DCC: variants seen among roughly 807,000 people sequenced by gnomAD.
DCC encodes the protein DCC netrin 1 receptor, also known as netrin receptor DCC.
Under a neutral mutation model 172.5 loss-of-function variants are expected in DCC, and 58 were observed. The observed-to-expected ratio is 0.34, with a 90% CI of 0.27 to 0.42. The LOEUF (loss-of-function observed/expected upper bound fraction) is 0.42, where lower values mean the gene tolerates loss of function less well. Among genes scored for constraint, DCC ranks in the 10% least tolerant of loss-of-function variants. The pLI is 1.00. For synonymous variants in DCC, 709 were observed against 644.5 expected, an observed-to-expected ratio of 1.10 and a Z score of -1.52; for missense variants, 1,740 against 1,791.0, an observed-to-expected ratio of 0.97 and a Z score of 0.51.
chr18:52,823,097 C>T (rs575619639), intron 2 of DCC, among the ~76,000 whole-genome samples: 3 of 152,154 alleles, frequency 2.0e-5, no homozygotes, highest in Non-Finnish European at 4.4e-5. Flanking sequence ...TCAGGCTATT[C>T]CAACAGGCAA....
intron 5 of DCC, among the ~76,000 whole-genome samples, chr18:53,027,802 T>C (rs974113716): frequency 2.0e-5 from 3 of 152,130 alleles, no homozygotes; most frequent in Non-Finnish European, 4.4e-5. Flanking sequence ...TGCGTATAGT[T>C]TTGACGCACG....
chr18:53,127,305 C>T (rs2043576365), intron 7 of DCC, among the ~76,000 whole-genome samples: 1 of 151,870 alleles, frequency 6.6e-6, no homozygotes, highest in Non-Finnish European at 1.5e-5. Context: ...CTGTGCCCTG[C>T]TTAGGTTTTA....
At chr18:52,429,009 C>T (rs901877737) in intron 1 of DCC, among the ~76,000 whole-genome samples, 1 of 151,996 alleles carries the variant, frequency 6.6e-6, no homozygotes, top group Non-Finnish European at 1.5e-5. Flanking sequence ...TCCTGCCATC[C>T]CCAACTCCTA....
At position 53,069,496 on chromosome 18, in the gene DCC, G is replaced by T. The variant is rs866087312; in HGVS notation, c.1261+3330G>T. Among the ~76,000 whole-genome samples, 10 of 152,226 alleles carry T rather than the reference G, an allele frequency of 6.6e-5. No homozygotes were observed. The Middle Eastern group carries it at 0.01, about 155-fold the overall frequency. On this transcript the variant is annotated intron_variant, in intron 7 of 28. Coordinates refer to ENST00000442544, the MANE Select transcript of DCC (RefSeq NM_005215.4). The stretch of plus-strand genomic sequence containing the variant: ...ACACTAGAGTGATGGCGCCTGGATG[G>T]AGCTGAGCTAGGAGGGTGGCGCAGG...
chr18:53,314,506 A>G (rs1048957440), intron 13 of DCC, among the ~76,000 whole-genome samples: 21 of 152,218 alleles, frequency 1.4e-4, no homozygotes, highest in Non-Finnish European at 2.5e-4. Flanking sequence ...CTTGAAGGTG[A>G]GTTATCTCCG....
intron 5 of DCC, among the ~76,000 whole-genome samples, chr18:53,013,698 TAA>T (rs772056355): frequency 2.1e-4 from 28 of 135,870 alleles, no homozygotes; most frequent in Non-Finnish European, 1.6e-4. Context: ...TCCCAGAACT[TAA>T]AAAAAAAAAA....
At chr18:52,951,983 A>C (rs2040655487) in intron 5 of DCC, among the ~76,000 whole-genome samples, 1 of 152,202 alleles carries the variant, frequency 6.6e-6, no homozygotes, top group African/African-American at 2.4e-5. Context: ...GAAGATGTGC[A>C]CATTTGCTGG....
At chr18:52,987,277 G>A (rs1422455353) in intron 5 of DCC, among the ~76,000 whole-genome samples, 4 of 152,050 alleles carry the variant, frequency 2.6e-5, no homozygotes, top group Admixed American at 2.6e-4. Flanking sequence ...AACAGCCCAT[G>A]CACAATGGCT....
chr18:53,048,038 G>A (rs893317313), intron 5 of DCC, among the ~76,000 whole-genome samples: 1 of 151,716 alleles, frequency 6.6e-6, no homozygotes, highest in African/African-American at 2.4e-5. Flanking sequence ...CACTATTAAA[G>A]GCATATTTTT....
At chr18:53,111,464 C>T (rs2043331364) in intron 7 of DCC, among the ~76,000 whole-genome samples, 1 of 149,314 alleles carries the variant, frequency 6.7e-6, no homozygotes, top group South Asian at 2.1e-4. Flanking sequence ...AAAAGAGAGA[C>T]CACCAACTTT....
chr18:53,359,119 C>G lies in DCC; in HGVS notation c.2359+19212C>G, dbSNP rs149653000. ...AGAGGCTCAAGGTTCAGTGAACAAA[C>G]TAATTGAACCATGAATGCAAGTTCA... On this transcript the variant is annotated intron_variant, in intron 15 of 28. Transcript: ENST00000442544. Among the ~76,000 whole-genome samples, 266 of 152,192 alleles carry G rather than the reference C, an allele frequency of 1.7e-3. 1 individual carries two copies. Among genetic ancestry groups the G allele is most frequent in the African/African-American group, 6.3e-3 (261 of 41,524 alleles).
At chr18:52,537,276 TAA>T (rs746297381) in intron 1 of DCC, among the ~76,000 whole-genome samples, 4 of 152,212 alleles carry the variant, frequency 2.6e-5, no homozygotes, top group Non-Finnish European at 4.4e-5. Context: ...AAGTAATATT[TAA>T]AATCTCCTTT....
intron 7 of DCC, among the ~76,000 whole-genome samples, chr18:53,144,320 T>C (rs1245162290): frequency 5.9e-5 from 9 of 152,204 alleles, no homozygotes; most frequent in Non-Finnish European, 1.2e-4. Flanking sequence ...CAATGGTGTA[T>C]TAGTCTGTTC....
At position 52,759,655 on chromosome 18, in the gene DCC, C is replaced by T. The variant is rs551653521; in HGVS notation, c.412+7281C>T. ...AATTTTAGAAAACCTTTTTGGAATA[C>T]AAAAATTTAAGTTTCTTGAAAAACG... On this transcript the variant is annotated intron_variant, in intron 2 of 28. Coordinates refer to ENST00000442544, the MANE Select transcript of DCC (RefSeq NM_005215.4). Among the ~76,000 whole-genome samples the T allele has an allele frequency of 1.3e-4, 19 of 151,974 alleles. No individual in the cohort carries two copies. In the South Asian group the frequency reaches 2.1e-3, roughly 17 times the overall value.
intron 12 of DCC, among the ~76,000 whole-genome samples, chr18:53,251,476 G>A (rs1274549346): frequency 6.6e-6 from 1 of 151,840 alleles, no homozygotes; most frequent in Non-Finnish European, 1.5e-5. Flanking sequence ...AATATGATTT[G>A]TGCATTTATA....
intron 1 of DCC, among the ~76,000 whole-genome samples, chr18:52,661,441 G>A (rs777472202): frequency 6.6e-6 from 1 of 152,182 alleles, no homozygotes; most frequent in Non-Finnish European, 1.5e-5. Context: ...AAATTGTACT[G>A]AAAATAGGGA....
At chr18:52,697,151 C>T (rs2036026022) in intron 1 of DCC, among the ~76,000 whole-genome samples, 1 of 152,154 alleles carries the variant, frequency 6.6e-6, no homozygotes, top group Non-Finnish European at 1.5e-5. Context: ...AATATTTCCA[C>T]TTAGAAATAT....
intron 5 of DCC, among the ~76,000 whole-genome samples, chr18:52,962,547 C>T (rs1231195837): frequency 6.6e-6 from 1 of 151,912 alleles, no homozygotes; most frequent in Non-Finnish European, 1.5e-5. Context: ...TTCAGTGTGG[C>T]GATTCCTCAG....
At position 52,340,707 on chromosome 18, in the gene DCC, T is replaced by G; in HGVS notation, c.-81T>G. The G allele has an allele frequency of 2.1e-6, 2 of 952,208 alleles. No homozygotes were observed. Among genetic ancestry groups the G allele is most frequent in the Non-Finnish European group, 3.5e-6 (2 of 577,346 alleles). The allele number at this position is 952,208 out of a possible 1,614,324, so 59.0% of individuals were successfully genotyped here. On this transcript the variant is annotated 5_prime_UTR_variant, in exon 1 of 29. The change abolishes an upstream ATG in the 5' untranslated region. Coordinates refer to ENST00000442544, the MANE Select transcript of DCC (RefSeq NM_005215.4). ...AAGGGGCTCGGCGCGTGTGTGTGCA[T>G]GTGTGCATGCGTGTGTGAGTGCATG...
Sources: gnomAD v4.1 joint callset for allele counts (sites outside exome capture counted in the v4.1 genomes callset) on GRCh38, gnomAD v4.1.1 for gene constraint, MANE v1.5 for transcripts, NCBI Gene and HGNC (gene_info 2026-07-23, HGNC 2026-07-21) for gene names.